Variants in SUMF1 observed in about 807,000 individuals in gnomAD.
SUMF1 encodes formylglycine-generating enzyme.
SUMF1 carries 48 observed loss-of-function variants against 47.6 expected under a neutral mutation model. That is an observed-to-expected ratio of 1.01 (90% confidence interval 0.80 to 1.28). The LOEUF (loss-of-function observed/expected upper bound fraction) is 1.28. Among genes scored for constraint, SUMF1 ranks in the 50% most tolerant of loss-of-function variants. SUMF1 has a pLI of 0.00. For missense variants in SUMF1, 571 were observed against 485.4 expected (o/e 1.18, Z -1.66); for synonymous variants, 230 against 192.1 (o/e 1.20, Z -1.63).
intron 8 of SUMF1, among the ~76,000 whole-genome samples, chr3:4,098,656 A>T (rs1692960818): frequency 6.6e-6 from 1 of 152,158 alleles, no homozygotes; most frequent in Admixed American, 6.5e-5. Flanking sequence ...TTTTCCCCCT[A>T]GAAACTGCAT....
chr3:4,036,679 C>A (rs941056140), intron 9 of SUMF1, among the ~76,000 whole-genome samples: 3 of 151,292 alleles, frequency 2.0e-5, no homozygotes, highest in Admixed American at 6.6e-5. Context: ...CTACACAGAG[C>A]CCCACTGTGA....
At chr3:4,253,164 C>T (rs1390306534) in intron 8 of SUMF1, among the ~76,000 whole-genome samples, 1 of 152,186 alleles carries the variant, frequency 6.6e-6, no homozygotes, top group Non-Finnish European at 1.5e-5. Flanking sequence ...GTTCACTTTC[C>T]ATCTCTTGTA....
At chr3:4,169,357 A>G (rs142759333) in intron 8 of SUMF1, among the ~76,000 whole-genome samples, 76 of 152,288 alleles carry the variant, frequency 5.0e-4, no homozygotes, top group Middle Eastern at 3.4e-3. Flanking sequence ...CTCCTCATCC[A>G]ATATGACTAG....
intron 8 of SUMF1, among the ~76,000 whole-genome samples, chr3:4,254,208 C>T (rs1324476284): frequency 6.6e-6 from 1 of 152,034 alleles, no homozygotes; most frequent in Admixed American, 6.6e-5. Flanking sequence ...CAGAGCGCCT[C>T]TCCTCCTCCA....
chr3:4,249,887 A>G (rs1696755244), intron 8 of SUMF1, among the ~76,000 whole-genome samples: 1 of 152,186 alleles, frequency 6.6e-6, no homozygotes, highest in South Asian at 2.1e-4. Context: ...TAAGAATGCA[A>G]AAGAGTCTCA....
intron 8 of SUMF1, among the ~76,000 whole-genome samples, chr3:4,248,868 A>T (rs1224761282): frequency 1.3e-5 from 2 of 152,206 alleles, no homozygotes; most frequent in African/African-American, 4.8e-5. Context: ...GGACATTCCC[A>T]CCTACCCACA....
chr3:4,349,283 G>A (rs1194811538), intron 8 of SUMF1, among the ~76,000 whole-genome samples: 2 of 152,076 alleles, frequency 1.3e-5, no homozygotes, highest in South Asian at 2.1e-4. Context: ...AATACAATGA[G>A]ATACCATTTC....
At chr3:4,430,321 A>G (rs1414723216) in intron 3 of SUMF1, among the ~76,000 whole-genome samples, 1 of 152,200 alleles carries the variant, frequency 6.6e-6, no homozygotes. Flanking sequence ...AGTCTTGAGT[A>G]ACGGGACAGA....
chr3:4,153,333 C>G (rs1224306450), intron 8 of SUMF1, among the ~76,000 whole-genome samples: 1 of 151,402 alleles, frequency 6.6e-6, no homozygotes, highest in Non-Finnish European at 1.5e-5. Context: ...ACTTTAACCT[C>G]TCAAGTAGCT....
rs1441855153 is a variant in SUMF1, at chr3:4,452,966, T to C, written c.354A>G (p.Arg118=). The C allele has an allele frequency of 6.2e-7, 1 of 1,614,014 alleles. No homozygotes were observed. Among genetic ancestry groups the C allele is most frequent in the African/African-American group, 1.3e-5 (1 of 74,896 alleles). ...CCATGTAAAAGGCATCAATAGTAAC[T>C]CTCCTCGCAGGTGCTTCCCCATCCT... The part of the protein sequence containing the change: ...IKQDGEAPAR[R]VTIDAFYMDA... The change falls in exon 2 of 9, where the codon AGA becomes AGG. Residue 118 remains arginine (R), a synonymous_variant. Coordinates refer to ENST00000272902, the MANE Select transcript of SUMF1 (RefSeq NM_182760.4).
intron 1 of SUMF1, among the ~76,000 whole-genome samples, chr3:4,457,523 G>A (rs2079695810): frequency 6.6e-6 from 1 of 152,072 alleles, no homozygotes; most frequent in African/African-American, 2.4e-5. Context: ...CAAATGGCAT[G>A]GTACTGGCAT....
At chr3:4,262,265 G>T (rs1428363074) in intron 8 of SUMF1, among the ~76,000 whole-genome samples, 31 of 151,958 alleles carry the variant, frequency 2.0e-4, no homozygotes, top group Admixed American at 2.0e-3. Flanking sequence ...GAGAGAGCTG[G>T]GCCTAACATA....
chr3:4,262,616 G>C (rs73117606), intron 8 of SUMF1, among the ~76,000 whole-genome samples: 2 of 152,144 alleles, frequency 1.3e-5, no homozygotes, highest in African/African-American at 4.8e-5. Flanking sequence ...GCTACCAGCA[G>C]CTTTAGGCTT....
chr3:4,146,925 C>T (rs1159095401), intron 8 of SUMF1, among the ~76,000 whole-genome samples: 1 of 152,046 alleles, frequency 6.6e-6, no homozygotes, highest in Non-Finnish European at 1.5e-5. Context: ...TTTTCTTAAT[C>T]CAGGCTATCG....
chr3:4,457,650 T>C (rs573042527), intron 1 of SUMF1, among the ~76,000 whole-genome samples: 1 of 152,282 alleles, frequency 6.6e-6, no homozygotes, highest in South Asian at 2.1e-4. Context: ...GAAAGGACAA[T>C]CTTTCAATAA....
chr3:4,040,468 CAATG>C (rs1272792840), intron 9 of SUMF1, among the ~76,000 whole-genome samples: 2 of 152,068 alleles, frequency 1.3e-5, no homozygotes, highest in Non-Finnish European at 1.5e-5. Context: ...GCATTTTAAT[CAATG>C]ATTTAGATGA....
intron 8 of SUMF1, among the ~76,000 whole-genome samples, chr3:4,267,261 C>T (rs35297726): frequency 6.6e-6 from 1 of 152,062 alleles, no homozygotes; most frequent in African/African-American, 2.4e-5. Context: ...GGGAGGTTTC[C>T]CTCTTTTTCT....
At chr3:4,397,776 CCT>C (rs970518372) in intron 7 of SUMF1, among the ~76,000 whole-genome samples, 2 of 151,988 alleles carry the variant, frequency 1.3e-5, no homozygotes, top group African/African-American at 4.8e-5. Context: ...TTTCCACATC[CCT>C]AAAAAGGTCC....
chr3:4,408,011 T>C (rs143568025), intron 7 of SUMF1, among the ~76,000 whole-genome samples: 1 of 152,310 alleles, frequency 6.6e-6, no homozygotes, highest in African/African-American at 2.4e-5. Flanking sequence ...TAATCTGAAA[T>C]AGAAGTTTCT....
Sources: allele counts gnomAD v4.1 joint callset (sites outside exome capture counted in the v4.1 genomes callset), GRCh38; gene constraint gnomAD v4.1.1; transcripts MANE v1.5; gene names NCBI Gene and HGNC (gene_info 2026-07-23, HGNC 2026-07-21).